The following PADI4 variants were observed in gnomAD, a reference collection of about 807,000 sequenced individuals.
The protein encoded by PADI4 is protein-arginine deiminase type-4.
In PADI4, 62 loss-of-function variants were observed where a neutral mutation model predicts 75.0. The ratio of observed to expected loss-of-function variants is 0.83; its 90% confidence interval spans 0.67 to 1.02. The LOEUF (loss-of-function observed/expected upper bound fraction) is 1.02. Among genes scored for constraint, PADI4 ranks in the 50% least tolerant of loss-of-function variants. PADI4 has a pLI of 0.00. For missense variants in PADI4, 845 were observed against 850.5 expected (o/e 0.99, Z 0.08); for synonymous variants, 361 against 348.1 (o/e 1.04, Z -0.41).
At position 17,354,763 on chromosome 1, in the gene PADI4, C is replaced by T. The variant is rs569246151; in HGVS notation, c.1310+76C>T. ...GAAAAGCAGAGGCCAGAGTGGAAGC[C>T]TTGCCTTCCTGCTTCCGATTCTAGA... On this transcript the variant is annotated intron_variant, in intron 11 of 15. Coordinates refer to ENST00000375448, the MANE Select transcript of PADI4 (RefSeq NM_012387.3). 100 of 1,378,138 alleles carry T rather than the reference C, an allele frequency of 7.3e-5. 2 individuals are homozygous for T. The South Asian group carries it at 1.4e-3, about 19-fold the overall frequency. The allele number at this position is 1,378,138 out of a possible 1,614,324, so 85.4% of individuals were successfully genotyped here.
At chr1:17,334,057 C>T in intron 3 of PADI4, 48 bp downstream of exon 3, 2 of 1,133,322 alleles carry the variant, frequency 1.8e-6, no homozygotes, top group South Asian at 2.5e-5. Context: ...CCCTGCCCAC[C>T]TCCTAATCCC....
intron 7 of PADI4, 45 bp downstream of exon 7, chr1:17,342,166 G>A (rs1447019584): frequency 6.3e-7 from 1 of 1,585,646 alleles, no homozygotes; most frequent in South Asian, 1.1e-5. Flanking sequence ...GGGCTTCCAG[G>A]CAGTGGCCTG....
At chr1:17,310,304 C>A (rs2073797446) in intron 1 of PADI4, among the ~76,000 whole-genome samples, 1 of 152,118 alleles carries the variant, frequency 6.6e-6, no homozygotes, top group Non-Finnish European at 1.5e-5. Flanking sequence ...CAGGACTCAA[C>A]CCAGGCAGCC....
rs374085936 is a variant in PADI4, at chr1:17,338,069, G to A, written c.440G>A (p.Gly147Asp). The change falls in exon 5 of 16, where the codon GGT becomes GAT. Residue 147 changes from glycine (G) to aspartate (D), a missense_variant. Gly to Asp is a moderately conservative substitution (Grantham distance 94). Transcript: ENST00000375448. Reference sequence around the variant, plus strand: ...TGGACCTGGGGCCCTTGTGGACAGGGTGCCATCCTGCTGGTGAACTGTGAC... The same window carrying A: ...TGGACCTGGGGCCCTTGTGGACAGGATGCCATCCTGCTGGTGAACTGTGAC... ...RTWTWGPCGQ[G>D]AILLVNCDRD... The A allele has an allele frequency of 6.2e-7, 1 of 1,613,728 alleles. No homozygotes were observed. The highest frequency in any genetic ancestry group is 8.5e-7 in the Non-Finnish European group (1 of 1,179,640).
chr1:17,362,351 C>CAAAAAAAAAAAAAAAAAAAAACAAAAAA, intron 15 of PADI4, among the ~76,000 whole-genome samples: 1 of 107,372 alleles, frequency 9.3e-6, no homozygotes. Flanking sequence ...GACCCTGTCT[C>CAAAAAAAAAAAAAAAAAAAAACAAAAAA]AAAAAAAAAA....
At chr1:17,347,834 G>C (rs2074544515) in intron 9 of PADI4, 107 bp from the exon 10 acceptor site, 1 of 572,978 alleles carries the variant, frequency 1.7e-6, no homozygotes, top group Admixed American at 3.0e-5. Flanking sequence ...ATGTGCCCTT[G>C]ACTGCAAGGG....
At chr1:17,344,518 G>A (rs369866889) in intron 8 of PADI4, among the ~76,000 whole-genome samples, 65 of 152,342 alleles carry the variant, frequency 4.3e-4, no homozygotes, top group African/African-American at 1.1e-3. Flanking sequence ...AGCCCCTCCC[G>A]TCACAGGCCC....
chr1:17,331,076 C>A lies in PADI4; in HGVS notation c.200C>A (p.Thr67Lys), dbSNP rs1479498020. ...PAKKKSTGSS[T>K]WPLDPGVEVT... ...AAGAAGAAATCCACAGGTTCCTCCA[C>A]ATGGCCCCTGGACCCTGGGGTAGAG... The change falls in exon 2 of 16, where the codon ACA (threonine) becomes AAA (lysine). Residue 67 changes from threonine (T) to lysine (K), a missense_variant. By Grantham distance (78) the Thr-to-Lys change is moderately conservative. Transcript: ENST00000375448. The A allele has an allele frequency of 2.9e-5, 46 of 1,612,206 alleles. No individual in the cohort carries two copies. Among genetic ancestry groups the A allele is most frequent in the Non-Finnish European group, 3.9e-5 (46 of 1,179,240 alleles).
chr1:17,345,171 C>T (rs2074492819), intron 8 of PADI4, among the ~76,000 whole-genome samples: 1 of 152,182 alleles, frequency 6.6e-6, no homozygotes, highest in Non-Finnish European at 1.5e-5. Flanking sequence ...ATTTGACTGC[C>T]CTGCTGGATT....
intron 1 of PADI4, among the ~76,000 whole-genome samples, chr1:17,311,718 TG>T (rs1207468417): frequency 4.0e-5 from 6 of 151,892 alleles, no homozygotes; most frequent in Non-Finnish European, 8.8e-5. Flanking sequence ...GTAGAGACGG[TG>T]TTTCACCGTG....
intron 10 of PADI4, 89 bp from the exon 11 acceptor site, chr1:17,354,444 G>C (rs1189917647): frequency 2.6e-6 from 3 of 1,133,638 alleles, no homozygotes. Context: ...TACTTCCTGT[G>C]CCCAAGTTCA....
chr1:17,340,768 A>G (rs576677719), intron 6 of PADI4, among the ~76,000 whole-genome samples: 1 of 143,654 alleles, frequency 7.0e-6, no homozygotes, highest in African/African-American at 2.6e-5. Context: ...GATCCTGATC[A>G]TTCTGCCTGG....
At position 17,356,688 on chromosome 1, in the gene PADI4, G is replaced by A. The variant is rs1157846224; in HGVS notation, c.1558+229G>A. Among the ~76,000 whole-genome samples, 4 of 152,186 alleles carry A rather than the reference G, an allele frequency of 2.6e-5. No homozygotes were observed. Among genetic ancestry groups the A allele is most frequent in the Non-Finnish European group, 5.9e-5 (4 of 68,034 alleles). ...GTCAAAAGAACAGCTCCAACACAGGGGCTTTGAGGGGTGTCTGAGTGGATG... is the reference window on the plus strand; with the variant it reads ...GTCAAAAGAACAGCTCCAACACAGGAGCTTTGAGGGGTGTCTGAGTGGATG... On this transcript the variant is annotated intron_variant, in intron 13 of 15. Coordinates refer to ENST00000375448, the MANE Select transcript of PADI4 (RefSeq NM_012387.3). This position sits in a 1 kb window ranked among gnomAD's most constrained non-coding sequence, Gnocchi z 4.1.
chr1:17,338,722 T>TG (rs1351745140), intron 5 of PADI4, among the ~76,000 whole-genome samples: 1 of 151,884 alleles, frequency 6.6e-6, no homozygotes, highest in Non-Finnish European at 1.5e-5. Context: ...ATGAGGATGG[T>TG]GGGGAATGCA....
intron 1 of PADI4, among the ~76,000 whole-genome samples, chr1:17,309,698 C>T (rs1158250833): frequency 6.6e-6 from 1 of 152,210 alleles, no homozygotes; most frequent in African/African-American, 2.4e-5. Context: ...TTTGCTACTG[C>T]CTGAGCCCCA....
In PADI4 at chr1:17,321,077, A is replaced by G. The variant is rs572295152; in HGVS notation, c.93-9892A>G. Reference sequence around the variant, plus strand: ...GGGAGACCATTGTTCTGCCTACCACAGAGGGCTGATCTCATTTTGAGGAAG... The same window carrying G: ...GGGAGACCATTGTTCTGCCTACCACGGAGGGCTGATCTCATTTTGAGGAAG... On this transcript the variant is annotated intron_variant, in intron 1 of 15. Coordinates refer to ENST00000375448, the MANE Select transcript of PADI4 (RefSeq NM_012387.3). 6.2e-4 allele frequency among the ~76,000 whole-genome samples: 94 copies of G among 152,342 alleles called. 2 individuals are homozygous for G. In the Middle Eastern group the frequency reaches 0.017, roughly 28 times the overall value.
chr1:17,345,972 C>T (rs2074507851), intron 8 of PADI4, 56 bp from the exon 9 acceptor site: 1 of 1,199,956 alleles, frequency 8.3e-7, no homozygotes, highest in Admixed American at 1.7e-5. Flanking sequence ...CCCAATCCTT[C>T]CAGGCTGAGC....
intron 2 of PADI4, among the ~76,000 whole-genome samples, chr1:17,332,033 C>G (rs1236528776): frequency 6.6e-6 from 1 of 152,214 alleles, no homozygotes; most frequent in Non-Finnish European, 1.5e-5. Context: ...CCAGATTTTT[C>G]TGGAGGCTCC....
rs1028775175 is a variant in PADI4, at chr1:17,336,345, G to GA, written c.408+122dup. On this transcript the variant is annotated intron_variant, in intron 4 of 15. Coordinates refer to ENST00000375448, the MANE Select transcript of PADI4 (RefSeq NM_012387.3). ...TATTCCGTGTTAACTGTTAAAAAAA[G>GA]AAAGAAAATTAGCATCACCATTAAT... 17 of 684,604 alleles carry GA rather than the reference G, an allele frequency of 2.5e-5. No homozygotes were observed. In the African/African-American group the frequency reaches 2.9e-4, roughly 12 times the overall value. The allele number at this position is 684,604 out of a possible 1,614,324, so 42.4% of individuals were successfully genotyped here. A position where few individuals can be genotyped will look rare whatever the true frequency, so the allele number is the denominator to read the frequency against.
Sources: allele counts gnomAD v4.1 joint callset (sites outside exome capture counted in the v4.1 genomes callset), GRCh38; gene constraint gnomAD v4.1.1; non-coding constraint Gnocchi (gnomAD v3.1); transcripts MANE v1.5; gene names NCBI Gene and HGNC (gene_info 2026-07-23, HGNC 2026-07-21).